WDPCP: variants seen among roughly 807,000 people sequenced by gnomAD.
The protein encoded by WDPCP is WD repeat-containing and planar cell polarity effector protein fritz homolog.
WDPCP carries 71 observed loss-of-function variants against 93.1 expected under a neutral mutation model. The observed-to-expected ratio is 0.76, with a 90% confidence interval of 0.63 to 0.93. WDPCP has a LOEUF of 0.93. Among genes scored for constraint, WDPCP ranks in the 40% least tolerant of loss-of-function variants. The pLI, the probability that WDPCP is intolerant of heterozygous loss-of-function variation, is 0.00. For missense variants in WDPCP, 844 were observed against 887.4 expected (o/e 0.95, Z 0.62); for synonymous variants, 315 against 315.0 (o/e 1.00, Z 0.00).
At chr2:63,150,028 A>G (rs1671784656) in intron 17 of WDPCP, among the ~76,000 whole-genome samples, 2 of 152,072 alleles carry the variant, frequency 1.3e-5, no homozygotes, top group African/African-American at 4.8e-5. Flanking sequence ...TATTTATGGA[A>G]CTTGCCTCAT....
chr2:63,457,552 G>A (rs544539725), intron 6 of WDPCP, among the ~76,000 whole-genome samples: 36 of 152,126 alleles, frequency 2.4e-4, no homozygotes, highest in African/African-American at 8.7e-4. Flanking sequence ...TGCAAAAATC[G>A]TCAACAAAAT....
chr2:63,239,184 T>C (rs1323778910), intron 14 of WDPCP, among the ~76,000 whole-genome samples: 1 of 152,224 alleles, frequency 6.6e-6, no homozygotes, highest in Non-Finnish European at 1.5e-5. Flanking sequence ...AAAAGTATTA[T>C]AGGATTATTA....
chr2:63,810,127 C>T (rs1302471977), intron 2 of WDPCP, among the ~76,000 whole-genome samples: 1 of 152,138 alleles, frequency 6.6e-6, no homozygotes, highest in African/African-American at 2.4e-5. Context: ...TGGTGAACTG[C>T]AAACAGAAGT....
At chr2:63,822,027 T>C (rs1671032915) in intron 1 of WDPCP, among the ~76,000 whole-genome samples, 1 of 151,898 alleles carries the variant, frequency 6.6e-6, no homozygotes, top group African/African-American at 2.4e-5. Context: ...TTAAAGAAAA[T>C]AGAAAAGAGA....
At position 63,588,407 on chromosome 2, in the gene WDPCP, G is replaced by A. The variant is rs1373536801; in HGVS notation, c.-136C>T. 7.8e-6 allele frequency: 8 copies of A among 1,024,494 alleles called. No individual in the cohort carries two copies. In the East Asian group the frequency reaches 1.3e-4, roughly 17 times the overall value. The allele number at this position is 1,024,494 out of a possible 1,614,324, so 63.5% of individuals were successfully genotyped here. The stretch of plus-strand genomic sequence containing the variant: ...CAGTTTCCTCAGGTGCTACAAAGCA[G>A]CCAGGGTGTGCGTGCGCTCCCGCCT... On this transcript the variant is annotated 5_prime_UTR_variant, in exon 1 of 18. Coordinates refer to ENST00000272321, the MANE Select transcript of WDPCP (RefSeq NM_015910.7).
intron 3 of WDPCP, among the ~76,000 whole-genome samples, chr2:63,612,277 C>T (rs978687611): frequency 6.6e-6 from 1 of 152,146 alleles, no homozygotes. Flanking sequence ...AATAGTACAA[C>T]CTTTAAAATG....
rs1181839536 is a variant in WDPCP at position 63,604,558 on chromosome 2, A to G, written n.488+46101T>C. On this transcript the variant is annotated intron_variant and non_coding_transcript_variant, in intron 3 of 4. Transcript: ENST00000467687. ...GCCAAGCAATAAATTTACATTTTTT[A>G]CAAGTCAATATAACTCTTGTGTTCT... The G allele has an allele frequency of 8.6e-6, 6 of 694,230 alleles. No individual in the cohort carries two copies. In the East Asian group the frequency reaches 1.4e-4, roughly 16 times the overall value. 43.0% of individuals were successfully genotyped at this position (694,230 alleles called of 1,614,324 possible). A position where few individuals can be genotyped will look rare whatever the true frequency, so the allele number is the denominator to read the frequency against.
intron 9 of WDPCP, among the ~76,000 whole-genome samples, chr2:63,416,860 G>A (rs553409977): frequency 1.3e-5 from 2 of 152,224 alleles, no homozygotes; most frequent in South Asian, 4.1e-4. Flanking sequence ...AAATACTTGG[G>A]TTCAGAATAT....
At chr2:63,572,382 A>G (rs1707576226) in intron 1 of WDPCP, among the ~76,000 whole-genome samples, 1 of 152,110 alleles carries the variant, frequency 6.6e-6, no homozygotes, top group South Asian at 2.1e-4. Flanking sequence ...GCTGTAAGTT[A>G]TTTCTAATAT....
intron 15 of WDPCP, among the ~76,000 whole-genome samples, chr2:63,170,499 C>T (rs1452966645): frequency 6.6e-6 from 1 of 152,024 alleles, no homozygotes; most frequent in Non-Finnish European, 1.5e-5. Context: ...TCTTGAACTC[C>T]TGACCTCAGG....
intron 14 of WDPCP, among the ~76,000 whole-genome samples, chr2:63,230,209 G>C (rs766230225): frequency 1.3e-5 from 2 of 151,262 alleles, no homozygotes; most frequent in Non-Finnish European, 2.9e-5. Context: ...CCTTGTGATA[G>C]TTTGCTCAGA....
At chr2:63,754,852 T>G (rs762022331) in intron 2 of WDPCP, among the ~76,000 whole-genome samples, 37 of 152,172 alleles carry the variant, frequency 2.4e-4, no homozygotes, top group Non-Finnish European at 4.7e-4. Flanking sequence ...TATTATCTCA[T>G]TGTTATTTTG....
chr2:63,582,023 C>T (rs1290071357), intron 1 of WDPCP, among the ~76,000 whole-genome samples: 3 of 151,140 alleles, frequency 2.0e-5, no homozygotes, highest in East Asian at 1.9e-4. Context: ...ATGTAATATT[C>T]GCAATCTGAC....
chr2:63,387,744 G>C (rs1692865027), intron 10 of WDPCP, among the ~76,000 whole-genome samples: 2 of 151,876 alleles, frequency 1.3e-5, no homozygotes, highest in Admixed American at 1.3e-4. Context: ...CTGCCCAAAA[G>C]CTCCTAGATC....
In WDPCP at chr2:63,259,226, C is replaced by G. The variant is rs893669012; in HGVS notation, c.1915+81G>C. 3.4e-6 allele frequency: 4 copies of G among 1,183,680 alleles called. No individual in the cohort carries two copies. The Admixed American group carries it at 5.2e-5, about 15-fold the overall frequency. 73.3% of individuals were successfully genotyped at this position (1,183,680 alleles called of 1,614,324 possible). A position where few individuals can be genotyped will look rare whatever the true frequency, so the allele number is the denominator to read the frequency against. On this transcript the variant is annotated intron_variant, in intron 14 of 17. Transcript: ENST00000272321. ...AAACAAAGTAATTCAAATTAACCAT[C>G]CATGTCCTCCAAACATAAATAGAAA...
intron 9 of WDPCP, among the ~76,000 whole-genome samples, chr2:63,425,239 G>T (rs369564840): frequency 6.6e-6 from 1 of 152,252 alleles, no homozygotes; most frequent in East Asian, 1.9e-4. Flanking sequence ...CCCATTCAAC[G>T]ACAGCAAATC....
At chr2:63,820,494 G>A (rs2104124080) in intron 1 of WDPCP, among the ~76,000 whole-genome samples, 1 of 152,266 alleles carries the variant, frequency 6.6e-6, no homozygotes, top group South Asian at 2.1e-4. Context: ...TTGAGAGCAG[G>A]CAGTAAGCAC....
chr2:63,528,293 T>C (rs1305646321), intron 1 of WDPCP, among the ~76,000 whole-genome samples: 2 of 152,232 alleles, frequency 1.3e-5, no homozygotes, highest in Non-Finnish European at 2.9e-5. Flanking sequence ...TCCTTGCCCA[T>C]GCCTATGTCC....
At chr2:63,727,683 G>T (rs984951106) in intron 2 of WDPCP, among the ~76,000 whole-genome samples, 2 of 152,092 alleles carry the variant, frequency 1.3e-5, no homozygotes, top group African/African-American at 4.8e-5. Flanking sequence ...CTGATCCATG[G>T]CTTTTCCTGG....
Sources: gnomAD v4.1 joint callset for allele counts (sites outside exome capture counted in the v4.1 genomes callset) on GRCh38, gnomAD v4.1.1 for gene constraint, MANE v1.5 for transcripts, NCBI Gene and HGNC (gene_info 2026-07-23, HGNC 2026-07-21) for gene names.